The following NYAP2 variants were observed in gnomAD, a reference collection of about 807,000 sequenced individuals.
The protein encoded by NYAP2 is neuronal tyrosine-phosphorylated phosphoinositide-3-kinase adapter 2.
NYAP2 carries 23 observed loss-of-function variants against 50.4 expected under a neutral mutation model. The observed-to-expected ratio is 0.46, with a 90% confidence interval of 0.33 to 0.65. The LOEUF is 0.65. Ranked by LOEUF, NYAP2 falls within the 30% of genes least tolerant of loss-of-function variation. NYAP2 has a pLI of 0.02. For missense variants in NYAP2, 885 were observed against 861.0 expected, an observed-to-expected ratio of 1.03 and a Z score of -0.35; for synonymous variants, 394 against 365.2, an observed-to-expected ratio of 1.08 and a Z score of -0.90.
chr2:225,581,912 C>G (rs1342056821), intron 4 of NYAP2, 29 bp from the exon 5 acceptor site: 1 of 1,572,072 alleles, frequency 6.4e-7, no homozygotes, highest in Non-Finnish European at 8.7e-7. Flanking sequence ...TTATACTCAT[C>G]TATTCCACTA....
At chr2:225,608,444 A>G (rs1692827218) in intron 5 of NYAP2, among the ~76,000 whole-genome samples, 1 of 152,108 alleles carries the variant, frequency 6.6e-6, no homozygotes, top group African/African-American at 2.4e-5. Context: ...TGATGGCATC[A>G]TCATATCCTG....
chr2:225,567,854 T>C lies in NYAP2; in HGVS notation c.524-14087T>C, dbSNP rs573558942. On this transcript the variant is annotated intron_variant, in intron 4 of 6. Coordinates refer to ENST00000636099, the Ensembl canonical transcript of NYAP2. The stretch of plus-strand genomic sequence containing the variant: ...AAGGGGAAAAAGGATGGAAACTATT[T>C]TGGGTTATGATCAGAGGTCTGGCAT... Among the ~76,000 whole-genome samples, 4 of 152,216 alleles carry C rather than the reference T, an allele frequency of 2.6e-5. No homozygotes were observed. The South Asian group carries it at 8.3e-4, about 32-fold the overall frequency.
At chr2:225,659,774 T>C in the NYAP2 span, among the ~76,000 whole-genome samples, 2 of 152,322 alleles carry the variant, frequency 1.3e-5, no homozygotes, top group East Asian at 3.9e-4. Context: ...TGAGATAACA[T>C]AGGTGTGTAA....
At chr2:225,445,687 A>T (rs1453134972) in intron 3 of NYAP2, among the ~76,000 whole-genome samples, 2 of 152,182 alleles carry the variant, frequency 1.3e-5, no homozygotes, top group Admixed American at 1.3e-4. Flanking sequence ...AAGCTTAAAA[A>T]AATAAGGCTT....
At chr2:225,687,744 A>C in the NYAP2 span, among the ~76,000 whole-genome samples, 1 of 152,190 alleles carries the variant, frequency 6.6e-6, no homozygotes, top group South Asian at 2.1e-4. Context: ...CTAAGACAAA[A>C]ATCTGTCTGA....
the NYAP2 span, among the ~76,000 whole-genome samples, chr2:225,694,362 C>A: frequency 6.6e-6 from 1 of 151,166 alleles, no homozygotes; most frequent in African/African-American, 2.4e-5. Context: ...AATAGAAAAG[C>A]GATGCAATTT....
chr2:225,609,001 A>G (rs1692836181), intron 5 of NYAP2, among the ~76,000 whole-genome samples: 1 of 151,798 alleles, frequency 6.6e-6, no homozygotes, highest in Admixed American at 6.6e-5. Context: ...CTGAAACCTC[A>G]CCTTCTAAAC....
intron 4 of NYAP2, among the ~76,000 whole-genome samples, chr2:225,571,676 C>T (rs1178394362): frequency 6.6e-6 from 1 of 152,104 alleles, no homozygotes; most frequent in African/African-American, 2.4e-5. Context: ...ACCCTTTTTT[C>T]CTCCTAGGCC....
chr2:225,531,360 C>G (rs1340529772), intron 4 of NYAP2, among the ~76,000 whole-genome samples: 1 of 152,228 alleles, frequency 6.6e-6, no homozygotes, highest in Non-Finnish European at 1.5e-5. Flanking sequence ...ACAGGGTCAA[C>G]TACCTTCTCT....
At chr2:225,565,847 A>C (rs548608525) in intron 4 of NYAP2, among the ~76,000 whole-genome samples, 1 of 152,292 alleles carries the variant, frequency 6.6e-6, no homozygotes, top group South Asian at 2.1e-4. Context: ...ATTGGGATTC[A>C]AATTCAGACT....
chr2:225,443,036 C>T (rs1414905620), intron 3 of NYAP2, among the ~76,000 whole-genome samples: 3 of 152,056 alleles, frequency 2.0e-5, no homozygotes, highest in Non-Finnish European at 4.4e-5. Context: ...TCTCATGAGA[C>T]TTATTCACTA....
At chr2:225,667,710 A>G in the NYAP2 span, among the ~76,000 whole-genome samples, 1 of 152,188 alleles carries the variant, frequency 6.6e-6, no homozygotes, top group Non-Finnish European at 1.5e-5. Context: ...AAAAGAGGGC[A>G]TTCTTAACCC....
intron 2 of NYAP2, among the ~76,000 whole-genome samples, 168 bp from the exon 3 acceptor site, chr2:225,408,696 T>G (rs1694979457): frequency 6.6e-6 from 1 of 152,108 alleles, no homozygotes. Context: ...CAGGTAGCAC[T>G]TATTTAATAT....
chr2:225,582,499 C>A lies in NYAP2; in HGVS notation c.1082C>A (p.Thr361Lys). The A allele has an allele frequency of 6.4e-7, 1 of 1,554,398 alleles. No individual in the cohort carries two copies. Among genetic ancestry groups the A allele is most frequent in the Non-Finnish European group, 8.7e-7 (1 of 1,147,254 alleles). The change falls in exon 5 of 7, where the codon ACG (threonine) becomes AAG (lysine). Residue 361 changes from threonine (T) to lysine (K), a missense_variant. Thr to Lys is a moderately conservative substitution (Grantham distance 78). Transcript: ENST00000636099. The surrounding 1 kb of genome is among the most constrained non-coding windows in gnomAD (Gnocchi z 7.0). ...TCCCCGCTTACCCCTCTGGAGGTCA[C>A]GAAGCTTCCCGTGCTGGAAAACGTG...
At chr2:225,667,999 A>G in the NYAP2 span, among the ~76,000 whole-genome samples, 2 of 152,290 alleles carry the variant, frequency 1.3e-5, no homozygotes, top group Middle Eastern at 3.4e-3. Context: ...ACTACTACCT[A>G]CTATCATCTA....
intron 4 of NYAP2, among the ~76,000 whole-genome samples, chr2:225,523,115 G>C (rs1574657583): frequency 6.6e-6 from 1 of 152,026 alleles, no homozygotes; most frequent in Admixed American, 6.6e-5. Flanking sequence ...ACCAGTCAGG[G>C]CCAGCCACAT....
At chr2:225,700,934 AGGTT>A in the NYAP2 span, 2 of 151,848 alleles carry the variant, frequency 1.3e-5, no homozygotes, top group African/African-American at 4.8e-5. Context: ...TGCTAGGGCC[AGGTT>A]TCATGCACTC....
At chr2:225,547,298 C>G (rs1412222354) in intron 4 of NYAP2, among the ~76,000 whole-genome samples, 1 of 152,160 alleles carries the variant, frequency 6.6e-6, no homozygotes, top group East Asian at 1.9e-4. Context: ...GGCATAAGCA[C>G]CCCCTTGGAC....
intron 3 of NYAP2, among the ~76,000 whole-genome samples, chr2:225,431,718 CA>C (rs1258900428): frequency 6.6e-6 from 1 of 152,126 alleles, no homozygotes; most frequent in Non-Finnish European, 1.5e-5. Flanking sequence ...ATGTCATTAG[CA>C]TGTTCCGGGA....
Sources: gnomAD v4.1 joint callset for allele counts (sites outside exome capture counted in the v4.1 genomes callset) on GRCh38, gnomAD v4.1.1 for gene constraint, Gnocchi (gnomAD v3.1) non-coding constraint, MANE v1.5 for transcripts, NCBI Gene and HGNC (gene_info 2026-07-23, HGNC 2026-07-21) for gene names.